Variants in MAP1B observed in about 807,000 individuals in gnomAD.
MAP1B encodes microtubule associated protein 1B, also known as microtubule-associated protein 1B.
Under a neutral mutation model 176.1 loss-of-function variants are expected in MAP1B, and 12 were observed. The observed-to-expected ratio is 0.07, with a 90% CI of 0.04 to 0.11. MAP1B has a LOEUF of 0.11. MAP1B is among the 10% of genes least tolerant of loss of function. The probability of loss-of-function intolerance (pLI) is 1.00; values close to 1 mark genes in which losing one functional copy is unlikely to be tolerated. For missense variants in MAP1B, 2,523 were observed against 2,990.5 expected, an observed-to-expected ratio of 0.84 and a Z score of 3.65; for synonymous variants, 1,044 against 1,135.0, an observed-to-expected ratio of 0.92 and a Z score of 1.61.
At chr5:72,150,299 C>A (rs1746118386) in intron 2 of MAP1B, among the ~76,000 whole-genome samples, 1 of 152,158 alleles carries the variant, frequency 6.6e-6, no homozygotes, top group Non-Finnish European at 1.5e-5. Context: ...AATTTGCATT[C>A]TTGTCTCTCA....
chr5:72,146,236 G>T (rs555009364), intron 2 of MAP1B, among the ~76,000 whole-genome samples: 2 of 151,998 alleles, frequency 1.3e-5, no homozygotes, highest in South Asian at 2.1e-4. Context: ...CCCAGGGCTG[G>T]ATCTTACAGT....
Position 72,196,486 on chromosome 5 carries a change from A to G in MAP1B, c.3131A>G (p.Tyr1044Cys), listed in dbSNP as rs183294054. The change falls in exon 5 of 7, where the codon TAT becomes TGT. Residue 1044 changes from tyrosine (Y) to cysteine (C), a missense_variant. By Grantham distance (194) the Tyr-to-Cys change is radical. Coordinates refer to ENST00000296755, the MANE Select transcript of MAP1B (RefSeq NM_005909.5). The surrounding 1 kb of genome is among the most constrained non-coding windows in gnomAD (Gnocchi z 5.3). ...CCGGAAAAAATGGAAGCTGAAGACT[A>G]TGTGATGGCTGTGGTCGACAAGGCT... is the stretch of plus-strand genomic sequence containing the variant. ...YEPEKMEAED[Y>C]VMAVVDKAAE... 6.2e-7 allele frequency: 1 copy of G among 1,613,858 alleles called. No individual in the cohort carries two copies. Among genetic ancestry groups the G allele is most frequent in the African/African-American group, 1.3e-5 (1 of 75,044 alleles).
At chr5:72,120,200 T>C (rs1431101463) in intron 2 of MAP1B, among the ~76,000 whole-genome samples, 1 of 152,196 alleles carries the variant, frequency 6.6e-6, no homozygotes, top group East Asian at 1.9e-4. Flanking sequence ...TCCCTTAATT[T>C]TGCCACTTTT....
chr5:72,164,251 G>A (rs975259980), intron 2 of MAP1B, among the ~76,000 whole-genome samples: 2 of 152,130 alleles, frequency 1.3e-5, no homozygotes, highest in South Asian at 4.2e-4. Flanking sequence ...CTTCTAATTG[G>A]ACTGCATCAT....
At chr5:72,203,213 G>A (rs1747368998) in intron 5 of MAP1B, among the ~76,000 whole-genome samples, 1 of 152,116 alleles carries the variant, frequency 6.6e-6, no homozygotes, top group African/African-American at 2.4e-5. Context: ...ATCAAATAAA[G>A]AAACACATTA....
At chr5:72,131,324 T>G (rs1745728856) in intron 2 of MAP1B, among the ~76,000 whole-genome samples, 1 of 152,134 alleles carries the variant, frequency 6.6e-6, no homozygotes, top group South Asian at 2.1e-4. Context: ...AAAAATTAAT[T>G]TTATTATTAT....
At chr5:72,174,723 C>T (rs1038422827) in intron 2 of MAP1B, among the ~76,000 whole-genome samples, 12 of 152,218 alleles carry the variant, frequency 7.9e-5, no homozygotes, top group African/African-American at 2.9e-4. Flanking sequence ...GAACAGGGCA[C>T]TCACAGATCC....
At chr5:72,117,954 A>G (rs1745462986) in intron 2 of MAP1B, among the ~76,000 whole-genome samples, 1 of 152,236 alleles carries the variant, frequency 6.6e-6, no homozygotes, top group African/African-American at 2.4e-5. Flanking sequence ...TGTGTTTTAA[A>G]GAGAAGAGAT....
intron 2 of MAP1B, among the ~76,000 whole-genome samples, chr5:72,170,809 T>C (rs1183504016): frequency 1.3e-5 from 2 of 151,942 alleles, no homozygotes; most frequent in Non-Finnish European, 2.9e-5. Context: ...GATCCAGATG[T>C]GGTAGCAGGT....
intron 2 of MAP1B, among the ~76,000 whole-genome samples, chr5:72,157,934 G>T (rs932039940): frequency 6.6e-6 from 1 of 151,550 alleles, no homozygotes; most frequent in Non-Finnish European, 1.5e-5. Flanking sequence ...CAGCCTCCCG[G>T]GTCCAAGCGA....
intron 2 of MAP1B, among the ~76,000 whole-genome samples, chr5:72,140,313 T>C (rs889619101): frequency 1.3e-5 from 2 of 152,196 alleles, no homozygotes; most frequent in Admixed American, 6.5e-5. Flanking sequence ...GGCTGATCCA[T>C]GCATACATCT....
chr5:72,197,748 T>C lies in MAP1B; in HGVS notation c.4393T>C (p.Phe1465Leu). The stretch of plus-strand genomic sequence containing the variant: ...CAAACAGGAAGGGAAAAGCACAGAC[T>C]TTGCACCAATAAAAGAAGACTTTGG... ...QDKQEGKSTD[F>L]APIKEDFGQE... The change falls in exon 5 of 7, where the codon TTT (phenylalanine) becomes CTT (leucine). Residue 1465 changes from phenylalanine (F) to leucine (L), a missense_variant. By Grantham distance (22) the Phe-to-Leu change is conservative. Transcript: ENST00000296755. The C allele has an allele frequency of 6.2e-7, 1 of 1,614,162 alleles. No homozygotes were observed. The highest frequency in any genetic ancestry group is 8.5e-7 in the Non-Finnish European group (1 of 1,180,036).
chr5:72,195,121 A>G lies in MAP1B; in HGVS notation c.1766A>G (p.Lys589Arg), dbSNP rs543287508. Residue 589 changes from lysine to arginine, a missense_variant, in exon 5 of 7, where the codon AAA (lysine) becomes AGA (arginine). Around this residue, in one of 4 missense-constraint regions of MAP1B, gnomAD observed 1,925 missense variants for 2,126.0 expected, o/e 0.91. Coordinates refer to ENST00000296755, the MANE Select transcript of MAP1B (RefSeq NM_005909.5). ...KVESKEKVMV[K>R]KDKPIKTETK... ...GAAAGCAAAGAAAAGGTAATGGTGA[A>G]AAAAGACAAGCCAATAAAAACAGAG... 1.9e-6 allele frequency: 3 copies of G among 1,613,706 alleles called. No individual in the cohort carries two copies. The highest frequency in any genetic ancestry group is 2.2e-5 in the East Asian group (1 of 44,820).
intron 2 of MAP1B, among the ~76,000 whole-genome samples, chr5:72,156,033 A>G (rs894089287): frequency 6.6e-6 from 1 of 152,008 alleles, no homozygotes; most frequent in Non-Finnish European, 1.5e-5. Context: ...TCCCAAAGTG[A>G]TGGGATTACA....
intron 2 of MAP1B, among the ~76,000 whole-genome samples, chr5:72,156,198 G>A (rs1423160263): frequency 6.7e-6 from 1 of 150,348 alleles, no homozygotes; most frequent in African/African-American, 2.4e-5. Flanking sequence ...TGCTACTCCT[G>A]GCTGCCACTG....
At chr5:72,185,811 T>C (rs1051527689) in intron 3 of MAP1B, among the ~76,000 whole-genome samples, 1 of 152,178 alleles carries the variant, frequency 6.6e-6, no homozygotes, top group Non-Finnish European at 1.5e-5. Flanking sequence ...ATGGTCTGTT[T>C]ACTTTTGTAT....
In MAP1B at chr5:72,197,712, C is replaced by T. The variant is rs746742166; in HGVS notation, c.4357C>T (p.Leu1453Phe). The T allele has an allele frequency of 6.2e-7, 1 of 1,614,058 alleles. No homozygotes were observed. The highest frequency in any genetic ancestry group is 8.5e-7 in the Non-Finnish European group (1 of 1,180,024). The change falls in exon 5 of 7, where the codon CTT becomes TTT. Residue 1453 changes from leucine to phenylalanine, a missense_variant. Transcript: ENST00000296755. ...AGTTTCTGAAATGACTTCTACTAGT[C>T]TTTACCAAGACAAACAGGAAGGGAA... ...SPVSEMTSTS[L>F]YQDKQEGKST... is the part of the protein sequence containing the mutation.
chr5:72,120,278 T>C (rs1745503748), intron 2 of MAP1B, among the ~76,000 whole-genome samples: 1 of 152,214 alleles, frequency 6.6e-6, no homozygotes, highest in Non-Finnish European at 1.5e-5. Context: ...AGCATAATGA[T>C]GAAGAGTACA....
At chr5:72,168,957 A>C (rs180807204) in intron 2 of MAP1B, among the ~76,000 whole-genome samples, 109 of 152,346 alleles carry the variant, frequency 7.2e-4, no homozygotes, top group Admixed American at 4.6e-4. Context: ...TTCCTAAATA[A>C]GCAGATGTAT....
Sources: gnomAD v4.1 joint callset for allele counts (sites outside exome capture counted in the v4.1 genomes callset) on GRCh38, gnomAD v4.1.1 for gene constraint, gnomAD v4.1.1 regional missense constraint, Gnocchi (gnomAD v3.1) non-coding constraint, MANE v1.5 for transcripts, NCBI Gene and HGNC (gene_info 2026-07-23, HGNC 2026-07-21) for gene names.